The following TSEN2 variants were observed in gnomAD, a reference collection of about 807,000 sequenced individuals.
The protein encoded by TSEN2 is tRNA splicing endonuclease subunit 2.
A neutral mutation model predicts 59.2 loss-of-function variants in TSEN2; 54 were observed. The observed-to-expected ratio is 0.91, with a 90% CI of 0.73 to 1.14. TSEN2 has a LOEUF of 1.14. Among genes scored for constraint, TSEN2 ranks in the 50% most tolerant of loss-of-function variants. The pLI is 0.00. For missense variants in TSEN2, 636 were observed against 576.2 expected, an observed-to-expected ratio of 1.10 and a Z score of -1.06; for synonymous variants, 195 against 198.2, an observed-to-expected ratio of 0.98 and a Z score of 0.14.
chr3:12,492,905 C>T (rs906486088), intron 3 of TSEN2, among the ~76,000 whole-genome samples: 1 of 152,182 alleles, frequency 6.6e-6, no homozygotes, highest in Non-Finnish European at 1.5e-5. Context: ...GCAAAATTAC[C>T]TATGCATTTA....
At chr3:12,491,256 TGCC>T (rs2053185203) in intron 2 of TSEN2, among the ~76,000 whole-genome samples, 1 of 152,190 alleles carries the variant, frequency 6.6e-6, no homozygotes, top group African/African-American at 2.4e-5. Context: ...CCTCCCAAAG[TGCC>T]GGGATTACAG....
chr3:12,533,065 T>G lies in TSEN2; in HGVS notation c.*344T>G. On this transcript the variant is annotated 3_prime_UTR_variant, in exon 12 of 12. Transcript: ENST00000284995. ...GAGACATTTATTCTCTGATTTTACC[T>G]GAAAATGGTAGTAGTTTACATTTAT... The G allele has an allele frequency of 2.6e-6, 1 of 391,088 alleles. No homozygotes were observed. The highest frequency in any genetic ancestry group is 4.8e-6 in the Non-Finnish European group (1 of 209,840). 24.2% of individuals were successfully genotyped at this position (391,088 alleles called of 1,614,324 possible).
chr3:12,519,023 T>C, intron 7 of TSEN2, 36 bp from the exon 8 acceptor site: 1 of 1,612,408 alleles, frequency 6.2e-7, no homozygotes. Flanking sequence ...AATGCATACA[T>C]AGTAATGCTT....
intron 6 of TSEN2, among the ~76,000 whole-genome samples, 151 bp from the exon 7 acceptor site, chr3:12,516,442 ATATATGTGTGTGTGTGTG>A (rs1181350854): frequency 2.0e-4 from 18 of 89,098 alleles, no homozygotes; most frequent in African/African-American, 6.6e-4. Context: ...AACAAACAAA[ATATATGTGTGTGTGTGTG>A]TGTGTGTGTG....
intron 10 of TSEN2, 162 bp downstream of exon 10, chr3:12,530,035 T>C: frequency 2.1e-6 from 3 of 1,453,006 alleles, no homozygotes; most frequent in Non-Finnish European, 2.7e-6. Context: ...CCTTCCCTTA[T>C]TGCGCTAGAA....
At chr3:12,535,099 G>GA (rs948300525), downstream of TSEN2, among the ~76,000 whole-genome samples, 39 of 150,828 alleles carry the variant, frequency 2.6e-4, no homozygotes, top group African/African-American at 2.7e-4. Flanking sequence ...CTTTTTTTAA[G>GA]AAAAAAAAAT....
chr3:12,488,102 T>C (rs77674902), intron 1 of TSEN2, among the ~76,000 whole-genome samples: 3,962 of 152,320 alleles, frequency 0.026, 177 homozygotes, highest in African/African-American at 0.089. Context: ...ACTGATATCA[T>C]CACACGTTGG....
At chr3:12,534,031 C>T (rs182681493), downstream of TSEN2, among the ~76,000 whole-genome samples, 7 of 152,138 alleles carry the variant, frequency 4.6e-5, no homozygotes, top group East Asian at 1.4e-3. Context: ...CAGTCATGCA[C>T]GTGGAGGACT....
intron 6 of TSEN2, among the ~76,000 whole-genome samples, chr3:12,511,827 A>G (rs976543666): frequency 6.6e-6 from 1 of 152,174 alleles, no homozygotes; most frequent in Non-Finnish European, 1.5e-5. Flanking sequence ...TTGGCCTCCG[A>G]AAGTGCTAGG....
At chr3:12,488,093 C>A (rs1797874) in intron 1 of TSEN2, among the ~76,000 whole-genome samples, 97,621 of 151,992 alleles carry the variant, frequency 0.64, 33,871 homozygotes, top group African/African-American at 0.9. Context: ...AAGTTGGATA[C>A]TGATATCATC....
intron 6 of TSEN2, chr3:12,506,920 C>A (rs1209233892): frequency 2.1e-6 from 2 of 955,232 alleles, no homozygotes; most frequent in Non-Finnish European, 2.5e-6. Context: ...GGGGGCCGGG[C>A]GCCGTGGCTC....
rs181971954 is a variant in TSEN2 at position 12,523,290 on chromosome 3, A to G, written c.1099+4093A>G. Among the ~76,000 whole-genome samples the G allele has an allele frequency of 4.1e-4, 62 of 152,218 alleles. 1 individual carries two copies. The East Asian group carries it at 0.01, about 25-fold the overall frequency. ...CCTAGTTAGGGATTTGCATTGACTG[A>G]TAAGTATGATTTCTGAGCTTTCTGC... is the stretch of plus-strand genomic sequence containing the variant. On this transcript the variant is annotated intron_variant, in intron 8 of 11. Coordinates refer to ENST00000284995, the MANE Select transcript of TSEN2 (RefSeq NM_025265.4).
chr3:12,536,977 C>T (rs1442347598), downstream of TSEN2, among the ~76,000 whole-genome samples: 1 of 150,352 alleles, frequency 6.7e-6, no homozygotes, highest in African/African-American at 2.5e-5. Flanking sequence ...GCACTCCAGC[C>T]TGGGCAACAA....
chr3:12,501,788 C>T (rs886692580), intron 4 of TSEN2, among the ~76,000 whole-genome samples: 2 of 152,152 alleles, frequency 1.3e-5, no homozygotes, highest in African/African-American at 4.8e-5. Flanking sequence ...GTCTTGGATG[C>T]CTTTCAGACT....
chr3:12,505,783 CAAAAAAAAAAAAA>C (rs34334319), intron 6 of TSEN2, among the ~76,000 whole-genome samples: 3 of 84,684 alleles, frequency 3.5e-5, no homozygotes, highest in Admixed American at 1.4e-4. Context: ...AACTCTGTCT[CAAAAAAAAAAAAA>C]AAAAAAAAGG....
intron 4 of TSEN2, among the ~76,000 whole-genome samples, chr3:12,497,759 A>G (rs2053900734): frequency 6.6e-6 from 1 of 152,220 alleles, no homozygotes; most frequent in Non-Finnish European, 1.5e-5. Context: ...ACAGTATCCC[A>G]AGAAGTTTCA....
chr3:12,518,865 C>T (rs527391972), intron 7 of TSEN2, among the ~76,000 whole-genome samples, 194 bp from the exon 8 acceptor site: 38 of 152,002 alleles, frequency 2.5e-4, no homozygotes, highest in Non-Finnish European at 5.1e-4. Flanking sequence ...ACCGAGATCA[C>T]GCCACTGCAC....
At chr3:12,530,052 C>G (rs909238416) in intron 10 of TSEN2, 179 bp downstream of exon 10, 57 of 1,440,056 alleles carry the variant, frequency 4.0e-5, no homozygotes, top group Non-Finnish European at 5.0e-5. Flanking sequence ...AGAAGTTGTC[C>G]TCCCCTCATG....
chr3:12,499,895 C>T (rs576626187), intron 4 of TSEN2, among the ~76,000 whole-genome samples: 2 of 152,282 alleles, frequency 1.3e-5, no homozygotes, highest in East Asian at 1.9e-4. Context: ...AACCTATGTG[C>T]GCTAACCACT....
Sources: gnomAD v4.1 joint callset for allele counts (sites outside exome capture counted in the v4.1 genomes callset) on GRCh38, gnomAD v4.1.1 for gene constraint, MANE v1.5 for transcripts, NCBI Gene and HGNC (gene_info 2026-07-23, HGNC 2026-07-21) for gene names.